SAMD12: variants seen among roughly 807,000 people sequenced by gnomAD.
SAMD12 encodes the protein sterile alpha motif domain containing 12.
A neutral mutation model predicts 15.0 loss-of-function variants in SAMD12; 9 were observed. The ratio of observed to expected loss-of-function variants is 0.60; its 90% confidence interval spans 0.36 to 1.05. The LOEUF (loss-of-function observed/expected upper bound fraction) is 1.05, where lower values mean the gene tolerates loss of function less well. SAMD12 is among the 50% of genes least tolerant of loss of function. The pLI is 0.01. For synonymous variants in SAMD12, 86 were observed against 90.1 expected (o/e 0.96, Z 0.25); for missense variants, 230 against 234.2 (o/e 0.98, Z 0.12).
intron 2 of SAMD12, among the ~76,000 whole-genome samples, chr8:118,481,877 G>C (rs542838679): frequency 2.6e-4 from 40 of 152,270 alleles, no homozygotes; most frequent in African/African-American, 8.9e-4. Flanking sequence ...AGTTCGCCTT[G>C]GAAAACACTC....
chr8:118,411,391 G>T (rs574440890), intron 3 of SAMD12, among the ~76,000 whole-genome samples: 1 of 152,320 alleles, frequency 6.6e-6, no homozygotes, highest in Admixed American at 6.5e-5. Context: ...TGAGAATGAT[G>T]TAGGGTCACA....
intron 3 of SAMD12, among the ~76,000 whole-genome samples, chr8:118,416,483 G>T (rs1821696910): frequency 6.6e-6 from 1 of 152,130 alleles, no homozygotes; most frequent in Admixed American, 6.5e-5. Context: ...TTAAACTTGA[G>T]CAGAATCAAA....
intron 4 of SAMD12, among the ~76,000 whole-genome samples, chr8:118,334,738 G>A (rs1269376897): frequency 6.6e-6 from 1 of 152,134 alleles, no homozygotes; most frequent in Non-Finnish European, 1.5e-5. Flanking sequence ...TGGGGCTACT[G>A]TCATGCACCA....
chr8:118,338,675 C>A (rs1026624643), intron 4 of SAMD12, among the ~76,000 whole-genome samples: 1 of 152,170 alleles, frequency 6.6e-6, no homozygotes, highest in Non-Finnish European at 1.5e-5. Flanking sequence ...AAATTAACTA[C>A]TGGTTAAGTA....
chr8:118,316,857 G>C lies in SAMD12; in HGVS notation c.433+62703C>G, dbSNP rs1225301687. 2.4e-4 allele frequency among the ~76,000 whole-genome samples: 29 copies of C among 122,228 alleles called. 1 individual carries two copies. In the Admixed American group the frequency reaches 2.9e-3, roughly 12 times the overall value. The allele number at this position is 122,228 out of a possible 152,430, so 80.2% of individuals were successfully genotyped here. On this transcript the variant is annotated intron_variant, in intron 4 of 4. Transcript: ENST00000409003. The stretch of plus-strand genomic sequence containing the variant: ...TTTTGTAAAGATGGAGTCTCACTCT[G>C]TTGCCCAGGCTGGTTTTGAACTCTC...
chr8:118,417,616 A>G (rs1263386413), intron 3 of SAMD12, among the ~76,000 whole-genome samples: 2 of 152,232 alleles, frequency 1.3e-5, no homozygotes, highest in East Asian at 1.9e-4. Context: ...TTAAACTTCA[A>G]TAGAGATAAT....
chr8:118,135,082 A>G, the SAMD12 span, among the ~76,000 whole-genome samples: 2 of 152,244 alleles, frequency 1.3e-5, no homozygotes, highest in African/African-American at 4.8e-5. Context: ...AGTATATGCT[A>G]GAGAAAATGA....
At chr8:118,454,355 TC>T (rs1248841561) in intron 2 of SAMD12, among the ~76,000 whole-genome samples, 3 of 152,194 alleles carry the variant, frequency 2.0e-5, no homozygotes, top group Non-Finnish European at 4.4e-5. Context: ...CTTACATTTT[TC>T]CCCTAGAAGG....
intron 4 of SAMD12, among the ~76,000 whole-genome samples, chr8:118,325,419 T>G (rs1050930979): frequency 1.3e-5 from 2 of 152,148 alleles, no homozygotes; most frequent in Admixed American, 1.3e-4. Context: ...AATTATTTCT[T>G]TGCTCCCCCG....
chr8:118,558,554 G>GT lies in SAMD12; in HGVS notation c.192+22160dup, dbSNP rs959246619. Among the ~76,000 whole-genome samples the GT allele has an allele frequency of 1.6e-4, 24 of 151,248 alleles. No homozygotes were observed. The South Asian group carries it at 2.1e-3, about 13-fold the overall frequency. On this transcript the variant is annotated intron_variant, in intron 2 of 3. Transcript: ENST00000314727. ...ACACTGAGCTAAGACTTTTGTTTTT[G>GT]TTTTTTTTGTTTGTTTGTTTTTGAG...
At chr8:118,602,051 A>G (rs1408722904) in intron 1 of SAMD12, among the ~76,000 whole-genome samples, 1 of 152,072 alleles carries the variant, frequency 6.6e-6, no homozygotes, top group African/African-American at 2.4e-5. Flanking sequence ...ATAGTTCTGT[A>G]CCCCACAAAG....
At chr8:118,311,972 AGT>A (rs1815653566) in intron 4 of SAMD12, among the ~76,000 whole-genome samples, 1 of 152,166 alleles carries the variant, frequency 6.6e-6, no homozygotes, top group Non-Finnish European at 1.5e-5. Context: ...TCTTCTCTTC[AGT>A]GTTCCGTCTT....
At chr8:118,425,332 A>G (rs1381032709) in intron 3 of SAMD12, among the ~76,000 whole-genome samples, 2 of 152,222 alleles carry the variant, frequency 1.3e-5, no homozygotes, top group Non-Finnish European at 2.9e-5. Flanking sequence ...TTCCAAAAAC[A>G]TGCAAAACCA....
At chr8:118,523,834 T>C in intron 2 of SAMD12, among the ~76,000 whole-genome samples, 1 of 152,074 alleles carries the variant, frequency 6.6e-6, no homozygotes, top group East Asian at 1.9e-4. Context: ...AGAGAAGCCA[T>C]CTGAAAAGGC....
intron 4 of SAMD12, among the ~76,000 whole-genome samples, chr8:118,316,468 G>A (rs940603804): frequency 1.3e-5 from 2 of 151,996 alleles, no homozygotes; most frequent in South Asian, 2.1e-4. Context: ...TCCAGGAGTC[G>A]GAGGTCGCAG....
chr8:118,455,268 CCTCTCTCTCT>C (rs57371997), intron 2 of SAMD12, among the ~76,000 whole-genome samples: 2 of 148,628 alleles, frequency 1.3e-5, no homozygotes, highest in East Asian at 2.0e-4. Context: ...GGCTTTCACA[CCTCTCTCTCT>C]CTCTCTCTCT....
intron 2 of SAMD12, among the ~76,000 whole-genome samples, chr8:118,446,869 C>T (rs1387049788): frequency 1.3e-5 from 2 of 152,082 alleles, no homozygotes; most frequent in Non-Finnish European, 2.9e-5. Flanking sequence ...AAAACTATAC[C>T]TCCAGCTCAG....
In SAMD12 at chr8:118,197,595, A is replaced by T. The variant is rs1819601162; in HGVS notation, c.*115T>A. The T allele has an allele frequency of 4.4e-6, 4 of 918,460 alleles. No individual in the cohort carries two copies. In the East Asian group the frequency reaches 9.6e-5, roughly 22 times the overall value. 56.9% of individuals were successfully genotyped at this position (918,460 alleles called of 1,614,324 possible). Reference sequence around the variant, plus strand: ...GGTGCTTTTTTCAGTTAATCCAGTTAATCTGTCCACGATCCAAGGATATCT... The same window carrying T: ...GGTGCTTTTTTCAGTTAATCCAGTTTATCTGTCCACGATCCAAGGATATCT... On this transcript the variant is annotated 3_prime_UTR_variant, in exon 5 of 5. Transcript: ENST00000409003.
At chr8:118,466,268 G>A (rs1823591687) in intron 2 of SAMD12, among the ~76,000 whole-genome samples, 1 of 152,172 alleles carries the variant, frequency 6.6e-6, no homozygotes, top group South Asian at 2.1e-4. Context: ...ATGGGATCAG[G>A]AGCCAAGACA....
Sources: gnomAD v4.1 joint callset for allele counts (sites outside exome capture counted in the v4.1 genomes callset) on GRCh38, gnomAD v4.1.1 for gene constraint, MANE v1.5 for transcripts, NCBI Gene and HGNC (gene_info 2026-07-23, HGNC 2026-07-21) for gene names.